The following SOS1 variants were observed in gnomAD, a reference collection of about 807,000 sequenced individuals.
SOS1 encodes the protein son of sevenless homolog 1.
SOS1 carries 25 observed loss-of-function variants against 157.6 expected under a neutral mutation model. The ratio of observed to expected loss-of-function variants is 0.16; its 90% confidence interval spans 0.12 to 0.22. SOS1 has a LOEUF of 0.22. Ranked by LOEUF, SOS1 falls within the 10% of genes least tolerant of loss-of-function variation. SOS1 has a pLI of 1.00. For synonymous variants in SOS1, 528 were observed against 534.0 expected, an observed-to-expected ratio of 0.99 and a Z score of 0.16; for missense variants, 1,237 against 1,599.1, an observed-to-expected ratio of 0.77 and a Z score of 3.86.
chr2:38,985,858 C>A lies in SOS1; in HGVS notation c.3968G>T (p.Gly1323Val). The change falls in exon 23 of 23, where the codon GGA becomes GTA. Residue 1323 changes from glycine (G) to valine (V), a missense_variant. This residue lies in a region of SOS1 where 306 missense variants were observed against 322.6 expected (regional missense o/e 0.95). Transcript: ENST00000402219. ...ATGGGCATTCTCCAACAGTGGTGGT[C>A]CATCTCTGTGCATGGATGGGTGTGT... ...EHTHPSMHRD[G>V]PPLLENAHSS The A allele has an allele frequency of 6.2e-7, 1 of 1,613,764 alleles. No homozygotes were observed. Among genetic ancestry groups the A allele is most frequent in the South Asian group, 1.1e-5 (1 of 91,060 alleles).
Position 39,019,921 on chromosome 2 carries a change from A to G in SOS1, c.1858+2649T>C, listed in dbSNP as rs529854000. On this transcript the variant is annotated intron_variant, in intron 10 of 22. Transcript: ENST00000402219. ...GCCATTTATATTATTGGCAGTTCAAACCAAGGAAGTAATTTATTTATTTTT... is the reference window on the plus strand; with the variant it reads ...GCCATTTATATTATTGGCAGTTCAAGCCAAGGAAGTAATTTATTTATTTTT... Among the ~76,000 whole-genome samples, 7 of 151,714 alleles carry G rather than the reference A, an allele frequency of 4.6e-5. No individual in the cohort carries two copies. In the South Asian group the frequency reaches 1.5e-3, roughly 31 times the overall value.
chr2:39,108,028 A>T (rs942987070), intron 1 of SOS1, among the ~76,000 whole-genome samples: 1 of 152,116 alleles, frequency 6.6e-6, no homozygotes. Flanking sequence ...ATGGTGCCTT[A>T]GTCTCCCTCC....
intron 1 of SOS1, among the ~76,000 whole-genome samples, chr2:39,102,683 G>C (rs919059154): frequency 6.6e-6 from 1 of 151,040 alleles, no homozygotes; most frequent in Non-Finnish European, 1.5e-5. Flanking sequence ...GGTAGCTCAC[G>C]CCCATAATCC....
At chr2:39,060,132 C>T (rs1671349889) in intron 2 of SOS1, among the ~76,000 whole-genome samples, 1 of 152,068 alleles carries the variant, frequency 6.6e-6, no homozygotes, top group South Asian at 2.1e-4. Context: ...ACTTGTTAAT[C>T]CAAAAATGAC....
At chr2:39,082,667 A>G (rs1219366403) in intron 1 of SOS1, 1 of 152,216 alleles carries the variant, frequency 6.6e-6, no homozygotes, top group Non-Finnish European at 1.5e-5. Context: ...GATGACATGT[A>G]TATTTGTGAA....
At chr2:39,118,463 G>C (rs1348519850) in intron 1 of SOS1, among the ~76,000 whole-genome samples, 3 of 152,188 alleles carry the variant, frequency 2.0e-5, no homozygotes, top group Admixed American at 2.0e-4. Context: ...ATTTAAATAA[G>C]AATTGGAAGA....
chr2:39,010,982 G>C (rs986414514), intron 14 of SOS1, among the ~76,000 whole-genome samples: 2 of 142,434 alleles, frequency 1.4e-5, no homozygotes, highest in African/African-American at 2.6e-5. Context: ...TGCAACCTCC[G>C]CCTCCCAGGT....
chr2:39,095,567 T>C (rs1672742315), intron 1 of SOS1, among the ~76,000 whole-genome samples: 1 of 152,188 alleles, frequency 6.6e-6, no homozygotes, highest in South Asian at 2.1e-4. Context: ...CTGAAATAAG[T>C]CCTCATTCTC....
chr2:39,083,698 A>G (rs1017597025), intron 1 of SOS1, among the ~76,000 whole-genome samples: 2 of 152,224 alleles, frequency 1.3e-5, no homozygotes, highest in Non-Finnish European at 2.9e-5. Flanking sequence ...ATTAAAATAT[A>G]TCCTTTGCCC....
intron 6 of SOS1, among the ~76,000 whole-genome samples, chr2:39,045,081 C>T (rs1043172598): frequency 6.6e-6 from 1 of 151,602 alleles, no homozygotes; most frequent in African/African-American, 2.4e-5. Flanking sequence ...TGTAATGTAC[C>T]CTGATGTAAT....
chr2:39,032,345 T>C lies in SOS1; in HGVS notation c.1074+2867A>G, dbSNP rs558180015. ...TGTTTCTTTGTGTTCAACAGTCTTA[T>C]ACTATTAATAGCTAAACTTATCTTT... is the stretch of plus-strand genomic sequence containing the variant. On this transcript the variant is annotated intron_variant, in intron 8 of 22. Transcript: ENST00000402219. Among the ~76,000 whole-genome samples the C allele has an allele frequency of 6.6e-5, 10 of 152,326 alleles. No individual in the cohort carries two copies. In the South Asian group the frequency reaches 2.1e-3, roughly 32 times the overall value.
At chr2:39,074,330 A>T (rs1671890808) in intron 1 of SOS1, among the ~76,000 whole-genome samples, 2 of 148,594 alleles carry the variant, frequency 1.3e-5, no homozygotes, top group East Asian at 4.0e-4. Flanking sequence ...AGTCTGGGTG[A>T]CAGAGTGAGA....
intron 10 of SOS1, among the ~76,000 whole-genome samples, chr2:39,019,972 C>A (rs966411013): frequency 1.3e-5 from 2 of 151,584 alleles, no homozygotes; most frequent in Non-Finnish European, 3.0e-5. Context: ...GTACCAGATC[C>A]TTTTACTTAA....
rs1671634594 is a variant in SOS1, at chr2:39,067,611, G to A, written c.213+17C>T. The stretch of plus-strand genomic sequence containing the variant: ...CAAATTAGATATAAAGTAAATACAA[G>A]ACAACATTTGTCATACCTCTACATC... On this transcript the variant is annotated intron_variant, in intron 2 of 22. Coordinates refer to ENST00000402219, the MANE Select transcript of SOS1 (RefSeq NM_005633.4). 6.2e-7 allele frequency: 1 copy of A among 1,610,046 alleles called. No individual in the cohort carries two copies. The highest frequency in any genetic ancestry group is 8.5e-7 in the Non-Finnish European group (1 of 1,176,558).
intron 14 of SOS1, among the ~76,000 whole-genome samples, chr2:39,011,045 G>A (rs1306916384): frequency 1.3e-5 from 2 of 151,726 alleles, no homozygotes; most frequent in African/African-American, 4.8e-5. Flanking sequence ...ACAGGCGCCC[G>A]TCATCATGCC....
chr2:39,010,470 C>G, intron 15 of SOS1, 114 bp downstream of exon 15: 6 of 947,954 alleles, frequency 6.3e-6, no homozygotes, highest in Non-Finnish European at 1.0e-5. Context: ...CCACTGCACT[C>G]CAGCCTATGT....
intron 1 of SOS1, among the ~76,000 whole-genome samples, chr2:39,084,340 A>T (rs7559263): frequency 0.011 from 1,703 of 152,312 alleles, 37 homozygotes; most frequent in African/African-American, 0.038. Flanking sequence ...TAAAATACAT[A>T]GAATTCTCAA....
chr2:39,090,530 TATTAAAA>T (rs1672554013), intron 1 of SOS1, among the ~76,000 whole-genome samples: 1 of 151,172 alleles, frequency 6.6e-6, no homozygotes, highest in Admixed American at 6.6e-5. Flanking sequence ...ACCCCATCTC[TATTAAAA>T]ATACAAAAAT....
intron 21 of SOS1, 44 bp from the exon 22 acceptor site, chr2:38,987,635 A>G (rs560873572): frequency 4.4e-6 from 4 of 902,210 alleles, no homozygotes; most frequent in Admixed American, 1.9e-5. Context: ...CAGGAATTTT[A>G]TTTCATTTAT....
Sources: allele counts gnomAD v4.1 joint callset (sites outside exome capture counted in the v4.1 genomes callset), GRCh38; gene constraint gnomAD v4.1.1; regional missense constraint gnomAD v4.1.1; transcripts MANE v1.5; gene names NCBI Gene and HGNC (gene_info 2026-07-23, HGNC 2026-07-21).